Variants in CACNA2D1 observed in about 807,000 individuals in gnomAD.
CACNA2D1 encodes calcium voltage-gated channel auxiliary subunit alpha2delta 1, also known as voltage-dependent calcium channel subunit alpha-2/delta-1.
Under a neutral mutation model 171.5 loss-of-function variants are expected in CACNA2D1, and 53 were observed. The ratio of observed to expected loss-of-function variants is 0.31; its 90% CI spans 0.25 to 0.39. The LOEUF is 0.39. Among genes scored for constraint, CACNA2D1 ranks in the 10% least tolerant of loss-of-function variants. CACNA2D1 has a pLI of 1.00. For synonymous variants in CACNA2D1, 442 were observed against 443.1 expected (o/e 1.00, Z 0.03); for missense variants, 903 against 1,299.8 (o/e 0.69, Z 4.69).
intron 3 of CACNA2D1, among the ~76,000 whole-genome samples, chr7:82,332,510 T>TA (rs1323648237): frequency 1.1e-5 from 1 of 92,554 alleles, no homozygotes; most frequent in African/African-American, 3.9e-5. Context: ...AAAAGAAATA[T>TA]AAAGAAAGAA....
intron 3 of CACNA2D1, among the ~76,000 whole-genome samples, chr7:82,201,406 C>T (rs897588986): frequency 1.3e-5 from 2 of 151,770 alleles, no homozygotes; most frequent in African/African-American, 4.8e-5. Flanking sequence ...GTATCACTTA[C>T]AAAAATACTT....
intron 7 of CACNA2D1, among the ~76,000 whole-genome samples, chr7:82,071,766 C>A (rs534935385): frequency 7.2e-5 from 11 of 152,142 alleles, no homozygotes; most frequent in Non-Finnish European, 1.3e-4. Context: ...CTATACTTTT[C>A]AGTTTCTCCT....
intron 6 of CACNA2D1, among the ~76,000 whole-genome samples, chr7:82,110,551 T>C (rs971574207): frequency 6.6e-6 from 1 of 152,212 alleles, no homozygotes; most frequent in Non-Finnish European, 1.5e-5. Flanking sequence ...TATCAGAGTC[T>C]TTGCAATCGT....
chr7:82,238,603 C>G (rs191268377), intron 3 of CACNA2D1, among the ~76,000 whole-genome samples: 1 of 151,870 alleles, frequency 6.6e-6, no homozygotes, highest in Non-Finnish European at 1.5e-5. Flanking sequence ...AAAAAAGAAA[C>G]GCTTATGCAC....
intron 3 of CACNA2D1, among the ~76,000 whole-genome samples, chr7:82,243,499 T>C (rs2129299370): frequency 6.6e-6 from 1 of 152,354 alleles, no homozygotes; most frequent in South Asian, 2.1e-4. Context: ...CTTGCTATTG[T>C]GAGTAGTTAA....
intron 27 of CACNA2D1, 50 bp from the exon 28 acceptor site, chr7:81,970,034 C>T (rs762095490): frequency 1.9e-6 from 2 of 1,051,652 alleles, no homozygotes; most frequent in Non-Finnish European, 3.0e-6. Flanking sequence ...ACCTGATAAC[C>T]TACTTTATCC....
chr7:82,415,351 T>C lies in CACNA2D1; in HGVS notation c.95+28014A>G, dbSNP rs367670948. On this transcript the variant is annotated intron_variant, in intron 1 of 38. Coordinates refer to ENST00000356860, the MANE Select transcript of CACNA2D1 (RefSeq NM_000722.4). ...GAGTTCCAGACCAGCCTGGCCAACA[T>C]GATGAAACCCCGTCTCTACTAAAAA... 4.8e-4 allele frequency among the ~76,000 whole-genome samples: 73 copies of C among 152,108 alleles called. No individual in the cohort carries two copies. The South Asian group carries it at 0.015, about 31-fold the overall frequency.
chr7:82,021,214 A>G lies in CACNA2D1; in HGVS notation c.1144-6735T>C, dbSNP rs1801168940. ...GTATTATCAGCTGAGAGGTCAGAAT[A>G]TAAGCTGTATGGTGATTTATTTCAG... On this transcript the variant is annotated intron_variant, in intron 12 of 38. Coordinates refer to ENST00000356860, the MANE Select transcript of CACNA2D1 (RefSeq NM_000722.4). 2.0e-5 allele frequency: 3 copies of G among 152,144 alleles called. No homozygotes were observed. The South Asian group carries it at 6.2e-4, about 31-fold the overall frequency. The allele number at this position is 152,144 out of a possible 1,614,324, so 9.4% of individuals were successfully genotyped here. A position where few individuals can be genotyped will look rare whatever the true frequency, so the allele number is the denominator to read the frequency against.
intron 3 of CACNA2D1, among the ~76,000 whole-genome samples, chr7:82,272,793 CA>C (rs1001808857): frequency 6.6e-6 from 1 of 151,774 alleles, no homozygotes; most frequent in African/African-American, 2.4e-5. Context: ...TTCTTCATTT[CA>C]AAAAAAATGT....
In CACNA2D1 at chr7:82,098,827, T is replaced by G. The variant is rs533992366; in HGVS notation, c.527-13927A>C. ...AATGCATGCATGCCAAACATCATCATCAGAAGGCAGGTCTGACAAGATTTA... is the reference window on the plus strand; with the variant it reads ...AATGCATGCATGCCAAACATCATCAGCAGAAGGCAGGTCTGACAAGATTTA... On this transcript the variant is annotated intron_variant, in intron 6 of 38. Coordinates refer to ENST00000356860, the MANE Select transcript of CACNA2D1 (RefSeq NM_000722.4). 5.9e-5 allele frequency among the ~76,000 whole-genome samples: 9 copies of G among 152,332 alleles called. No homozygotes were observed. In the East Asian group the frequency reaches 1.7e-3, roughly 29 times the overall value.
intron 22 of CACNA2D1, among the ~76,000 whole-genome samples, chr7:81,984,385 G>A (rs1401887585): frequency 6.6e-6 from 1 of 152,154 alleles, no homozygotes; most frequent in Non-Finnish European, 1.5e-5. Flanking sequence ...GATTCTATGA[G>A]CACATAGCAA....
intron 1 of CACNA2D1, among the ~76,000 whole-genome samples, chr7:82,436,876 T>C (rs1189676869): frequency 1.3e-5 from 2 of 152,216 alleles, no homozygotes; most frequent in African/African-American, 2.4e-5. Flanking sequence ...TCACATAGTT[T>C]GACAGTATGC....
intron 1 of CACNA2D1, among the ~76,000 whole-genome samples, chr7:82,376,944 A>C (rs1268817086): frequency 6.6e-6 from 1 of 152,258 alleles, no homozygotes; most frequent in African/African-American, 2.4e-5. Context: ...ACCCTTCAGC[A>C]TGCTGAGATA....
At chr7:82,308,129 C>T (rs190625033) in intron 3 of CACNA2D1, among the ~76,000 whole-genome samples, 18 of 152,198 alleles carry the variant, frequency 1.2e-4, no homozygotes, top group Non-Finnish European at 2.1e-4. Context: ...TGGCCTTTTG[C>T]GAAGCTTGAG....
chr7:81,985,140 C>T lies in CACNA2D1; in HGVS notation c.1797-429G>A, dbSNP rs144713843. On this transcript the variant is annotated intron_variant, in intron 21 of 38. Coordinates refer to ENST00000356860, the MANE Select transcript of CACNA2D1 (RefSeq NM_000722.4). ...ACGTATTATATATAATGTTAAAGTG[C>T]TTTGTATAAAATGGACACTATTAAA... Among the ~76,000 whole-genome samples, 580 of 147,500 alleles carry T rather than the reference C, an allele frequency of 3.9e-3. 5 individuals are homozygous for T. Among genetic ancestry groups the T allele is most frequent in the African/African-American group, 0.014 (555 of 39,612 alleles).
At chr7:82,397,152 C>T (rs118101225) in intron 1 of CACNA2D1, among the ~76,000 whole-genome samples, 4,035 of 152,218 alleles carry the variant, frequency 0.027, 78 homozygotes, top group Middle Eastern at 0.061. Context: ...ATCACTAACT[C>T]GCTTTCCCCA....
chr7:82,176,528 G>T (rs1796554682), intron 3 of CACNA2D1, among the ~76,000 whole-genome samples: 1 of 151,982 alleles, frequency 6.6e-6, no homozygotes, highest in African/African-American at 2.4e-5. Flanking sequence ...AATATTATTA[G>T]TACTCTGAAA....
At chr7:82,108,784 T>C (rs890787267) in intron 6 of CACNA2D1, among the ~76,000 whole-genome samples, 1 of 152,168 alleles carries the variant, frequency 6.6e-6, no homozygotes, top group Non-Finnish European at 1.5e-5. Context: ...ACCTCAGAAG[T>C]AGAATTGTTT....
At chr7:82,306,252 T>C (rs1343721729) in intron 3 of CACNA2D1, among the ~76,000 whole-genome samples, 1 of 152,188 alleles carries the variant, frequency 6.6e-6, no homozygotes, top group Non-Finnish European at 1.5e-5. Flanking sequence ...TGGGGTCATG[T>C]CTGGTAGCCA....
Sources: allele counts gnomAD v4.1 joint callset (sites outside exome capture counted in the v4.1 genomes callset), GRCh38; gene constraint gnomAD v4.1.1; transcripts MANE v1.5; gene names NCBI Gene and HGNC (gene_info 2026-07-23, HGNC 2026-07-21).